Variants in ANKRD36 observed in about 807,000 individuals in gnomAD.
The protein encoded by ANKRD36 is ankyrin repeat domain 36.
Under a neutral mutation model 278.1 loss-of-function variants are expected in ANKRD36, and 179 were observed. The ratio of observed to expected loss-of-function variants is 0.64; its 90% CI spans 0.57 to 0.73. ANKRD36 has a LOEUF of 0.73. ANKRD36 is among the 30% of genes least tolerant of loss of function. The pLI, the probability that ANKRD36 is intolerant of heterozygous loss-of-function variation, is 0.00. For synonymous variants in ANKRD36, 320 were observed against 641.1 expected, an observed-to-expected ratio of 0.50 and a Z score of 7.57; for missense variants, 1,159 against 1,956.7, an observed-to-expected ratio of 0.59 and a Z score of 7.69.
chr2:97,131,738 G>A (rs982601677), intron 6 of ANKRD36, among the ~76,000 whole-genome samples: 1 of 151,770 alleles, frequency 6.6e-6, no homozygotes, highest in Admixed American at 6.6e-5. Flanking sequence ...CTCTATGATC[G>A]ATAGTACAGT....
chr2:97,191,856 A>T (rs998306320), intron 36 of ANKRD36, among the ~76,000 whole-genome samples: 1 of 151,746 alleles, frequency 6.6e-6, no homozygotes, highest in Non-Finnish European at 1.5e-5. Flanking sequence ...AGCATTAGGC[A>T]TCAGAGATAC....
chr2:97,166,668 A>T (rs2050757517), intron 20 of ANKRD36, among the ~76,000 whole-genome samples: 1 of 152,298 alleles, frequency 6.6e-6, no homozygotes, highest in African/African-American at 2.4e-5. Flanking sequence ...ACTCGAACAG[A>T]ATATTGGATT....
chr2:97,130,092 C>T (rs2039690425), intron 6 of ANKRD36, among the ~76,000 whole-genome samples: 1 of 151,980 alleles, frequency 6.6e-6, no homozygotes, highest in Admixed American at 6.6e-5. Context: ...ATTGATACTT[C>T]CTACCTATGA....
chr2:97,176,887 C>G (rs1349653354), intron 22 of ANKRD36, among the ~76,000 whole-genome samples: 2 of 151,712 alleles, frequency 1.3e-5, no homozygotes, highest in Non-Finnish European at 1.5e-5. Flanking sequence ...ACTTATGAAG[C>G]TTAGTTTGGC....
At chr2:97,195,584 T>C (rs1440178276) in intron 40 of ANKRD36, among the ~76,000 whole-genome samples, 3 of 152,008 alleles carry the variant, frequency 2.0e-5, no homozygotes, top group South Asian at 2.1e-4. Flanking sequence ...TTTGTTACTA[T>C]TAGGCATCAG....
At chr2:97,168,368 A>G (rs1352578570) in intron 22 of ANKRD36, among the ~76,000 whole-genome samples, 1 of 152,278 alleles carries the variant, frequency 6.6e-6, no homozygotes, top group African/African-American at 2.4e-5. Flanking sequence ...GTTTTAAAGC[A>G]ATGACTCTGA....
intron 67 of ANKRD36, among the ~76,000 whole-genome samples, chr2:97,231,999 G>T (rs1444136419): frequency 1.3e-5 from 2 of 151,882 alleles, no homozygotes; most frequent in Non-Finnish European, 2.9e-5. Flanking sequence ...AATTATTCAA[G>T]TTTAGTCCAA....
intron 51 of ANKRD36, 33 bp from the exon 52 acceptor site, chr2:97,206,030 T>G: frequency 6.5e-7 from 1 of 1,543,074 alleles, no homozygotes; most frequent in Non-Finnish European, 8.7e-7. Flanking sequence ...ACATACTTTA[T>G]TTATTTATTA....
chr2:97,221,436 C>T (rs1242448873), intron 66 of ANKRD36, among the ~76,000 whole-genome samples: 1 of 98,644 alleles, frequency 1.0e-5, no homozygotes, highest in Non-Finnish European at 1.9e-5. Flanking sequence ...CTCTCCAGCA[C>T]CTGTTGTTTC....
Position 97,113,844 on chromosome 2 carries a change from G to T in ANKRD36, c.105G>T (p.Arg35Ser), listed in dbSNP as rs764841176. ...CCATTAAACCGTATCATCTGAAGAG[G>T]ATCCACAGAGCTGTCTTACATGGTA... Reference protein sequence around the residue: ...QYPIKPYHLKRIHRAVLHGNL... With the variant: ...QYPIKPYHLKSIHRAVLHGNL... The change falls in exon 1 of 76, where the codon AGG (arginine) becomes AGT (serine). Residue 35 changes from arginine (R) to serine (S), a missense_variant. Transcript: ENST00000420699. 10 of 1,613,024 alleles carry T rather than the reference G, an allele frequency of 6.2e-6. No individual in the cohort carries two copies. The African/African-American group carries it at 1.3e-4, about 22-fold the overall frequency.
At chr2:97,165,754 CT>C (rs990892050) in intron 20 of ANKRD36, among the ~76,000 whole-genome samples, 1 of 151,952 alleles carries the variant, frequency 6.6e-6, no homozygotes, top group African/African-American at 2.4e-5. Context: ...GTATTTTGTG[CT>C]TTTCTGAAAA....
chr2:97,194,894 A>C lies in ANKRD36; in HGVS notation c.2528A>C (p.Lys843Thr). The C allele has an allele frequency of 6.4e-7, 1 of 1,561,086 alleles. No individual in the cohort carries two copies. The highest frequency in any genetic ancestry group is 8.6e-7 in the Non-Finnish European group (1 of 1,157,920). Reference sequence around the variant, plus strand: ...TTTTCGAATATAACCAGAGGAAAAAAGGATGGAGAAATATCTAGGAAAGGT... The same window carrying C: ...TTTTCGAATATAACCAGAGGAAAAACGGATGGAGAAATATCTAGGAAAGGT... ...DSFSNITRGKKDGEISRKVSS... is the reference protein window; with the variant it reads ...DSFSNITRGKTDGEISRKVSS... Residue 843 changes from lysine to threonine, a missense_variant, in exon 40 of 76, where the codon AAG (lysine) becomes ACG (threonine). Transcript: ENST00000420699.
intron 64 of ANKRD36, among the ~76,000 whole-genome samples, chr2:97,218,043 A>G (rs1322699682): frequency 6.6e-6 from 1 of 152,086 alleles, no homozygotes; most frequent in African/African-American, 2.4e-5. Context: ...CTCATTATTC[A>G]TGTTTCTTAG....
chr2:97,210,117 A>G (rs1223463652), intron 56 of ANKRD36, among the ~76,000 whole-genome samples: 2 of 151,954 alleles, frequency 1.3e-5, no homozygotes, highest in African/African-American at 4.8e-5. Context: ...GCAGCTCAAG[A>G]CATAAGGGGC....
At chr2:97,203,233 A>G (rs2061884912) in intron 48 of ANKRD36, among the ~76,000 whole-genome samples, 1 of 151,818 alleles carries the variant, frequency 6.6e-6, no homozygotes, top group Admixed American at 6.6e-5. Flanking sequence ...TTAGAAACAA[A>G]AATTATGCTG....
chr2:97,200,357 T>C lies in ANKRD36; in HGVS notation c.2779T>C (p.Leu927=). Reference sequence around the variant, plus strand: ...AGTGTCTTCTCGGAAAAAACCATCCTTGGAGGTAATGAAACTCTCATTCAT... The same window carrying C: ...AGTGTCTTCTCGGAAAAAACCATCCCTGGAGGTAATGAAACTCTCATTCAT... ...KRVSSRKKPS[L]EATSDEKDSF... is the part of the protein sequence containing the mutation. Residue 927 remains leucine, a synonymous_variant, in exon 45 of 76, where the codon TTG becomes CTG. Coordinates refer to ENST00000420699, the MANE Select transcript of ANKRD36 (RefSeq NM_001354587.1). 6.2e-7 allele frequency: 1 copy of C among 1,606,318 alleles called. No homozygotes were observed.
chr2:97,157,076 A>G (rs1160061408), intron 15 of ANKRD36, among the ~76,000 whole-genome samples: 1 of 151,076 alleles, frequency 6.6e-6, no homozygotes, highest in Non-Finnish European at 1.5e-5. Context: ...CTGAATAAAA[A>G]TCCTTTCTCC....
chr2:97,131,986 G>T (rs1469563100), intron 6 of ANKRD36, among the ~76,000 whole-genome samples: 1 of 151,680 alleles, frequency 6.6e-6, no homozygotes, highest in Non-Finnish European at 1.5e-5. Context: ...GCACCACCAC[G>T]CCCAGCTAAT....
At chr2:97,134,237 T>C (rs2040912014) in intron 6 of ANKRD36, among the ~76,000 whole-genome samples, 1 of 152,108 alleles carries the variant, frequency 6.6e-6, no homozygotes, top group African/African-American at 2.4e-5. Context: ...ATTGTGCTTT[T>C]TTGCTTTTAG....
Sources: allele counts gnomAD v4.1 joint callset (sites outside exome capture counted in the v4.1 genomes callset), GRCh38; gene constraint gnomAD v4.1.1; transcripts MANE v1.5; gene names NCBI Gene and HGNC (gene_info 2026-07-23, HGNC 2026-07-21).